Variants in GARIN1A observed in about 807,000 individuals in gnomAD.
GARIN1A encodes the protein golgi associated RAB2 interactor 1A.
At chr7:128,689,416 G>A in the GARIN1A span, among the ~76,000 whole-genome samples, 1 of 151,964 alleles carries the variant, frequency 6.6e-6, no homozygotes, top group East Asian at 1.9e-4. Flanking sequence ...CCCCGTCTGG[G>A]ATGTGAGGAG....
At chr7:128,707,026 GT>G in the GARIN1A span, among the ~76,000 whole-genome samples, 80 of 148,596 alleles carry the variant, frequency 5.4e-4, no homozygotes, top group Middle Eastern at 6.9e-3. Flanking sequence ...TCTCCTAAAA[GT>G]TTTTTTTTTT....
the GARIN1A span, chr7:128,683,158 G>A: frequency 6.2e-7 from 1 of 1,604,902 alleles, no homozygotes; most frequent in South Asian, 1.1e-5. Context: ...TTGGGAGCCT[G>A]ACACCTAGGC....
the GARIN1A span, among the ~76,000 whole-genome samples, chr7:128,696,154 A>C: frequency 6.6e-6 from 1 of 151,580 alleles, no homozygotes; most frequent in Non-Finnish European, 1.5e-5. Flanking sequence ...CTGGGACTGC[A>C]GGTGAGCAAC....
the GARIN1A span, among the ~76,000 whole-genome samples, chr7:128,673,771 TG>T: frequency 6.6e-6 from 1 of 152,170 alleles, no homozygotes; most frequent in Admixed American, 6.5e-5. Flanking sequence ...GGTGATCAGC[TG>T]GCAAACCTGA....
the GARIN1A span, among the ~76,000 whole-genome samples, chr7:128,688,596 A>T: frequency 1.4e-3 from 218 of 152,198 alleles, no homozygotes; most frequent in Non-Finnish European, 2.5e-3. Context: ...TTCACTCCTG[A>T]AAATCCTAAG....
chr7:128,699,644 T>G, the GARIN1A span, among the ~76,000 whole-genome samples: 1 of 152,224 alleles, frequency 6.6e-6, no homozygotes, highest in Admixed American at 6.5e-5. Context: ...ATCTGGCCAT[T>G]TTTTACTTAT....
the GARIN1A span, chr7:128,672,444 C>T: frequency 1.9e-6 from 3 of 1,609,048 alleles, no homozygotes; most frequent in Admixed American, 5.1e-5. Flanking sequence ...GAACCAGGCC[C>T]TGGAGTGGAA....
the GARIN1A span, chr7:128,683,003 C>T: frequency 6.2e-7 from 1 of 1,610,026 alleles, no homozygotes. Flanking sequence ...ACTGCAGCAG[C>T]TACAAGATAC....
chr7:128,683,967 C>T, the GARIN1A span: 3 of 152,188 alleles, frequency 2.0e-5, no homozygotes, highest in Non-Finnish European at 1.5e-5. Context: ...AACCAAATCT[C>T]GTGAGAACTC....
At chr7:128,700,221 A>G in the GARIN1A span, among the ~76,000 whole-genome samples, 1 of 150,418 alleles carries the variant, frequency 6.6e-6, no homozygotes, top group Admixed American at 6.6e-5. Context: ...GTAATCTTCA[A>G]TTATTCTTGC....
the GARIN1A span, among the ~76,000 whole-genome samples, chr7:128,671,650 A>G: frequency 6.6e-6 from 1 of 151,216 alleles, no homozygotes. Flanking sequence ...TGTCTCAAAA[A>G]AAAAAAAAAA....
chr7:128,701,136 T>C, the GARIN1A span, among the ~76,000 whole-genome samples: 1 of 151,428 alleles, frequency 6.6e-6, no homozygotes, highest in African/African-American at 2.4e-5. Flanking sequence ...AAACTGAGTG[T>C]ATTTTTAAAA....
the GARIN1A span, among the ~76,000 whole-genome samples, chr7:128,706,568 C>T: frequency 3.2e-3 from 490 of 152,190 alleles, 3 homozygotes; most frequent in Non-Finnish European, 4.1e-3. Flanking sequence ...CCTCAGGGTT[C>T]TTTCTAGCCT....
the GARIN1A span, chr7:128,676,000 G>A: frequency 2.0e-5 from 12 of 609,636 alleles, no homozygotes; most frequent in Non-Finnish European, 3.4e-5. Flanking sequence ...CATTTGTTTA[G>A]CAACGATTTA....
At chr7:128,695,600 G>A in the GARIN1A span, among the ~76,000 whole-genome samples, 8 of 152,148 alleles carry the variant, frequency 5.3e-5, no homozygotes, top group African/African-American at 1.7e-4. The surrounding 1 kb of genome is among the most constrained non-coding windows in gnomAD (Gnocchi z 4.5). Flanking sequence ...GAGTGCGGTG[G>A]TGTGATCTCG....
chr7:128,676,471 A>G, the GARIN1A span, among the ~76,000 whole-genome samples: 16 of 151,966 alleles, frequency 1.1e-4, no homozygotes, highest in Admixed American at 3.3e-4. Context: ...GTGTGTGTAT[A>G]TATAGACACG....
chr7:128,689,337 A>G, the GARIN1A span, among the ~76,000 whole-genome samples: 1 of 149,942 alleles, frequency 6.7e-6, no homozygotes, highest in Non-Finnish European at 1.5e-5. Flanking sequence ...ACCGGCCGCC[A>G]TCCCATCTAG....
chr7:128,706,582 C>T, the GARIN1A span, among the ~76,000 whole-genome samples: 1 of 152,122 alleles, frequency 6.6e-6, no homozygotes. Flanking sequence ...CTAGCCTTCC[C>T]AAGCTTGCCA....
the GARIN1A span, among the ~76,000 whole-genome samples, chr7:128,695,581 C>T: frequency 1.4e-4 from 21 of 152,092 alleles, 1 homozygote; most frequent in East Asian, 1.9e-3. The surrounding 1 kb of genome is among the most constrained non-coding windows in gnomAD (Gnocchi z 4.5). Context: ...TGCTCTGTTG[C>T]CCAGGCTGGA....
Sources: allele counts gnomAD v4.1 joint callset (sites outside exome capture counted in the v4.1 genomes callset), GRCh38; gene constraint gnomAD v4.1.1; non-coding constraint Gnocchi (gnomAD v3.1); transcripts MANE v1.5; gene names NCBI Gene and HGNC (gene_info 2026-07-23, HGNC 2026-07-21).